Variants in LINGO2 observed in about 807,000 individuals in gnomAD.
LINGO2 encodes leucine rich repeat and Ig domain containing 2, also known as leucine-rich repeat and immunoglobulin-like domain-containing nogo receptor-interacting protein 2.
LINGO2 carries 14 observed loss-of-function variants against 30.6 expected under a neutral mutation model. That is an observed-to-expected ratio of 0.46 (90% CI 0.30 to 0.72). The LOEUF (loss-of-function observed/expected upper bound fraction) is 0.72. Ranked by LOEUF, LINGO2 falls within the 30% of genes least tolerant of loss-of-function variation. The probability of loss-of-function intolerance (pLI) is 0.07; values close to 1 mark genes in which losing one functional copy is unlikely to be tolerated. For missense variants in LINGO2, 729 were observed against 751.7 expected (o/e 0.97, Z 0.35); for synonymous variants, 317 against 288.5 (o/e 1.10, Z -1.00).
At chr9:28,077,204 A>T (rs1825650302) in intron 4 of LINGO2, among the ~76,000 whole-genome samples, 1 of 152,194 alleles carries the variant, frequency 6.6e-6, no homozygotes, top group African/African-American at 2.4e-5. Flanking sequence ...GACCACCAAG[A>T]TGTGTTTCCA....
chr9:28,470,837 T>A (rs1825490639), intron 2 of LINGO2, among the ~76,000 whole-genome samples: 1 of 149,988 alleles, frequency 6.7e-6, no homozygotes, highest in Non-Finnish European at 1.5e-5. Flanking sequence ...ATACATTTAA[T>A]GACATAAGGT....
Position 28,329,989 on chromosome 9 carries a change from A to G in LINGO2, c.-245-34623T>C, listed in dbSNP as rs774642209. On this transcript the variant is annotated intron_variant, in intron 3 of 5. Transcript: ENST00000379992. This position sits in a 1 kb window ranked among gnomAD's most constrained non-coding sequence, Gnocchi z 4.5. The stretch of plus-strand genomic sequence containing the variant: ...GCTATTTACTGAATTCTGCGCCCCT[A>G]GTGTTCATCTATTGAAGCCATAACC... 2.0e-5 allele frequency among the ~76,000 whole-genome samples: 3 copies of G among 151,970 alleles called. No homozygotes were observed. Among genetic ancestry groups the G allele is most frequent in the Non-Finnish European group, 4.4e-5 (3 of 67,990 alleles).
the LINGO2 span, among the ~76,000 whole-genome samples, chr9:29,152,707 G>A: frequency 6.6e-6 from 1 of 152,144 alleles, no homozygotes; most frequent in East Asian, 1.9e-4. Flanking sequence ...CACTACCTGG[G>A]TGATGGGATA....
At chr9:28,750,356 G>C in the LINGO2 span, among the ~76,000 whole-genome samples, 2 of 152,116 alleles carry the variant, frequency 1.3e-5, no homozygotes, top group African/African-American at 4.8e-5. Context: ...TCCTCTCAGG[G>C]AGTCCTAAGC....
the LINGO2 span, among the ~76,000 whole-genome samples, chr9:28,744,403 T>A: frequency 6.6e-6 from 1 of 151,984 alleles, no homozygotes; most frequent in Non-Finnish European, 1.5e-5. Flanking sequence ...CTTGCCTGTT[T>A]CCTTTCACAG....
chr9:27,987,376 C>T (rs145503982), intron 5 of LINGO2, among the ~76,000 whole-genome samples: 90 of 151,770 alleles, frequency 5.9e-4, no homozygotes, highest in African/African-American at 2.1e-3. Flanking sequence ...TGGGCTCAAA[C>T]GATCCCTCCA....
chr9:28,950,699 G>A, the LINGO2 span, among the ~76,000 whole-genome samples: 1 of 152,028 alleles, frequency 6.6e-6, no homozygotes, highest in Non-Finnish European at 1.5e-5. Flanking sequence ...GGATGTGAAG[G>A]ACCTCTTCAA....
chr9:28,699,658 C>A, the LINGO2 span, among the ~76,000 whole-genome samples: 2 of 151,934 alleles, frequency 1.3e-5, no homozygotes, highest in African/African-American at 4.8e-5. Context: ...TTGCAGAGAG[C>A]GTATAAATGG....
the LINGO2 span, chr9:27,939,776 G>C: frequency 1.3e-5 from 2 of 152,144 alleles, no homozygotes; most frequent in African/African-American, 2.4e-5. Context: ...CTGTGCTATG[G>C]TACTAGCATA....
At chr9:29,128,635 T>A in the LINGO2 span, among the ~76,000 whole-genome samples, 1 of 152,054 alleles carries the variant, frequency 6.6e-6, no homozygotes, top group Non-Finnish European at 1.5e-5. Context: ...AATCAAACTG[T>A]CATGGAAACT....
intron 4 of LINGO2, among the ~76,000 whole-genome samples, chr9:28,221,737 G>C (rs1006854580): frequency 7.2e-5 from 11 of 152,148 alleles, no homozygotes; most frequent in Admixed American, 5.2e-4. Flanking sequence ...GCTCTGAGTA[G>C]ATCCCTGATC....
At chr9:28,940,190 C>G in the LINGO2 span, among the ~76,000 whole-genome samples, 1 of 152,120 alleles carries the variant, frequency 6.6e-6, no homozygotes, top group Non-Finnish European at 1.5e-5. Context: ...ATGTCTTCTC[C>G]TCTTAGACAT....
chr9:28,012,456 T>C (rs1385466130), intron 4 of LINGO2: 1 of 152,082 alleles, frequency 6.6e-6, no homozygotes, highest in African/African-American at 2.4e-5. Context: ...TCTTCTAGGT[T>C]CTAACCTTCT....
At chr9:27,977,226 C>A (rs979402120) in intron 5 of LINGO2, among the ~76,000 whole-genome samples, 16 of 151,414 alleles carry the variant, frequency 1.1e-4, no homozygotes, top group African/African-American at 3.4e-4. Flanking sequence ...CAATCACAGA[C>A]CACAGAGATA....
chr9:28,018,048 A>T (rs1822928871), intron 4 of LINGO2, among the ~76,000 whole-genome samples: 1 of 152,186 alleles, frequency 6.6e-6, no homozygotes, highest in African/African-American at 2.4e-5. Context: ...CCTGAAAATA[A>T]TGCCATATGC....
intron 1 of LINGO2, among the ~76,000 whole-genome samples, chr9:28,480,551 G>C (rs1290916261): frequency 6.6e-6 from 1 of 151,972 alleles, no homozygotes; most frequent in Non-Finnish European, 1.5e-5. Flanking sequence ...TTTGTTGGAA[G>C]GGAAAACAAG....
intron 1 of LINGO2, among the ~76,000 whole-genome samples, chr9:28,527,207 T>C (rs902058825): frequency 1.3e-5 from 2 of 152,180 alleles, no homozygotes; most frequent in Admixed American, 1.3e-4. Context: ...GACAATTAAA[T>C]AAATGCAGAG....
At chr9:27,971,312 A>G (rs986965449) in intron 5 of LINGO2, among the ~76,000 whole-genome samples, 5 of 151,560 alleles carry the variant, frequency 3.3e-5, no homozygotes, top group African/African-American at 1.2e-4. Context: ...TCTCACCCAA[A>G]GTCTTAAGGT....
At chr9:28,151,280 A>G (rs757519191) in intron 4 of LINGO2, among the ~76,000 whole-genome samples, 1 of 152,092 alleles carries the variant, frequency 6.6e-6, no homozygotes, top group Non-Finnish European at 1.5e-5. Context: ...AAAAAAGACT[A>G]AAATCTCCTT....
Sources: gnomAD v4.1 joint callset for allele counts (sites outside exome capture counted in the v4.1 genomes callset) on GRCh38, gnomAD v4.1.1 for gene constraint, Gnocchi (gnomAD v3.1) non-coding constraint, MANE v1.5 for transcripts, NCBI Gene and HGNC (gene_info 2026-07-23, HGNC 2026-07-21) for gene names.